The following ZFHX4 variants were observed in gnomAD, a reference collection of about 807,000 sequenced individuals.
The protein encoded by ZFHX4 is zinc finger homeobox 4.
ZFHX4 carries 56 observed loss-of-function variants against 267.6 expected under a neutral mutation model. The observed-to-expected ratio is 0.21, with a 90% confidence interval of 0.17 to 0.26. ZFHX4 has a LOEUF of 0.26. Among genes scored for constraint, ZFHX4 ranks in the 10% least tolerant of loss-of-function variants. ZFHX4 has a pLI of 1.00. For missense variants in ZFHX4, 4,332 were observed against 4,420.0 expected (o/e 0.98, Z 0.56); for synonymous variants, 1,778 against 1,665.6 (o/e 1.07, Z -1.64).
chr8:76,705,553 G>C lies in ZFHX4; in HGVS notation c.1465G>C (p.Gly489Arg). 1 of 1,613,596 alleles carries C rather than the reference G, an allele frequency of 6.2e-7. No individual in the cohort carries two copies. The highest frequency in any genetic ancestry group is 8.5e-7 in the Non-Finnish European group (1 of 1,179,702). The change falls in exon 2 of 11, where the codon GGT becomes CGT. Residue 489 changes from glycine to arginine, a missense_variant. This residue lies in a region of ZFHX4 where 1,195 missense variants were observed against 1,173.6 expected (regional missense o/e 1.02). Coordinates refer to ENST00000651372, the MANE Select transcript of ZFHX4 (RefSeq NM_024721.5). ...SNELDDEEVL[G>R]ELTDSIGNKD... ...TGAACTTGATGACGAGGAAGTATTAGGTGAACTCACCGATAGTATTGGTAA... is the reference window on the plus strand; with the variant it reads ...TGAACTTGATGACGAGGAAGTATTACGTGAACTCACCGATAGTATTGGTAA...
intron 3 of ZFHX4, among the ~76,000 whole-genome samples, chr8:76,716,538 C>T (rs1354001557): frequency 6.6e-6 from 1 of 152,094 alleles, no homozygotes; most frequent in Non-Finnish European, 1.5e-5. Flanking sequence ...TCAGCTTATG[C>T]CCCTAGCCCA....
In ZFHX4 at chr8:76,853,834, A is replaced by G; in HGVS notation, c.6913A>G (p.Ile2305Val). ...EKRELTNERYIRTSNMQYQCK... is the reference protein window; with the variant it reads ...EKRELTNERYVRTSNMQYQCK... ...AAGAGAACTCACTAATGAACGGTACATTCGAACAAGCAACATGCAGTACCA... is the reference window on the plus strand; with the variant it reads ...AAGAGAACTCACTAATGAACGGTACGTTCGAACAAGCAACATGCAGTACCA... The change falls in exon 10 of 11, where the codon ATT becomes GTT. Residue 2305 changes from isoleucine (I) to valine (V), a missense_variant. This residue lies in a region of ZFHX4 where 1,648 missense variants were observed against 1,625.0 expected (regional missense o/e 1.01). Transcript: ENST00000651372. 6.2e-7 allele frequency: 1 copy of G among 1,613,976 alleles called. No individual in the cohort carries two copies. The highest frequency in any genetic ancestry group is 1.1e-5 in the South Asian group (1 of 91,084).
chr8:76,725,592 A>T (rs1471194306), intron 3 of ZFHX4, among the ~76,000 whole-genome samples: 8 of 152,170 alleles, frequency 5.3e-5, no homozygotes, highest in African/African-American at 1.9e-4. Context: ...GACTTGGCTA[A>T]TAATTTGATA....
Position 76,854,794 on chromosome 8 carries a change from T to A in ZFHX4, c.7873T>A (p.Leu2625Met), listed in dbSNP as rs938995756. The A allele has an allele frequency of 1.9e-6, 3 of 1,610,660 alleles. No individual in the cohort carries two copies. The highest frequency in any genetic ancestry group is 2.5e-6 in the Non-Finnish European group (3 of 1,178,796). ...EQLEILYEKY[L>M]LDSNPTRKML... is the part of the protein sequence containing the mutation. ...GCTGGAAATACTCTATGAAAAATACTTGCTGGATTCCAATCCTACCAGAAA... is the reference window on the plus strand; with the variant it reads ...GCTGGAAATACTCTATGAAAAATACATGCTGGATTCCAATCCTACCAGAAA... Residue 2625 changes from leucine (L) to methionine (M), a missense_variant, in exon 10 of 11, where the codon TTG (leucine) becomes ATG (methionine). Leu to Met is a conservative substitution (Grantham distance 15). Around this residue, in one of 7 missense-constraint regions of ZFHX4, gnomAD observed 1,648 missense variants for 1,625.0 expected, o/e 1.01. Coordinates refer to ENST00000651372, the MANE Select transcript of ZFHX4 (RefSeq NM_024721.5).
intron 3 of ZFHX4, among the ~76,000 whole-genome samples, chr8:76,712,020 A>T (rs1017512818): frequency 6.6e-6 from 1 of 152,164 alleles, no homozygotes; most frequent in Non-Finnish European, 1.5e-5. Context: ...TCAAAGCCTT[A>T]ATTATACTAC....
At chr8:76,788,508 T>G (rs188125826) in intron 4 of ZFHX4, among the ~76,000 whole-genome samples, 41 of 152,316 alleles carry the variant, frequency 2.7e-4, no homozygotes, top group Non-Finnish European at 7.4e-5. Flanking sequence ...AAAATATGTC[T>G]CCTGCTTCTA....
Position 76,852,356 on chromosome 8 carries a change from C to A in ZFHX4, c.5435C>A (p.Pro1812His). ...QYQATQPQLQ[P>H]QKQQQQPPPP... The stretch of plus-strand genomic sequence containing the variant: ...CAAGCCACACAGCCCCAGCTGCAGC[C>A]TCAAAAACAACAGCAGCAGCCACCA... The change falls in exon 10 of 11, where the codon CCT becomes CAT. Residue 1812 changes from proline to histidine, a missense_variant. Transcript: ENST00000651372. 1 of 1,553,426 alleles carries A rather than the reference C, an allele frequency of 6.4e-7. No homozygotes were observed. The highest frequency in any genetic ancestry group is 8.7e-7 in the Non-Finnish European group (1 of 1,147,842).
intron 4 of ZFHX4, among the ~76,000 whole-genome samples, chr8:76,810,755 G>A (rs996072813): frequency 1.3e-5 from 2 of 152,136 alleles, no homozygotes; most frequent in African/African-American, 4.8e-5. Context: ...TTTAATAAAA[G>A]AACAATTGTT....
Position 76,865,215 on chromosome 8 carries a change from T to C in ZFHX4, c.*650T>C, listed in dbSNP as rs1812997159. 6.6e-6 allele frequency: 1 copy of C among 152,660 alleles called. No homozygotes were observed. Among genetic ancestry groups the C allele is most frequent in the African/African-American group, 2.4e-5 (1 of 41,462 alleles). The allele number at this position is 152,660 out of a possible 1,614,324, so 9.5% of individuals were successfully genotyped here. A position where few individuals can be genotyped will look rare whatever the true frequency, so the allele number is the denominator to read the frequency against. Reference sequence around the variant, plus strand: ...ACAGTGGAATCATGTGTCTGCCCTGTGTATTGCAGTTTGTATTGCCACAAG... The same window carrying C: ...ACAGTGGAATCATGTGTCTGCCCTGCGTATTGCAGTTTGTATTGCCACAAG... On this transcript the variant is annotated 3_prime_UTR_variant, in exon 11 of 11. Coordinates refer to ENST00000651372, the MANE Select transcript of ZFHX4 (RefSeq NM_024721.5).
rs1175344504 is a variant in ZFHX4 at position 76,705,527 on chromosome 8, A to G, written c.1439A>G (p.Asn480Ser). 1.9e-6 allele frequency: 3 copies of G among 1,613,634 alleles called. No homozygotes were observed. The highest frequency in any genetic ancestry group is 1.3e-5 in the African/African-American group (1 of 75,052). ...GDEDEEDAYS[N>S]ELDDEEVLGE... ...GAGGATGAAGAAGATGCGTACTCCA[A>G]TGAACTTGATGACGAGGAAGTATTA... The change falls in exon 2 of 11, where the codon AAT becomes AGT. Residue 480 changes from asparagine to serine, a missense_variant. Physicochemically the swap from Asn to Ser is conservative, Grantham distance 46. This residue lies in a region of ZFHX4 where 1,195 missense variants were observed against 1,173.6 expected (regional missense o/e 1.02). Coordinates refer to ENST00000651372, the MANE Select transcript of ZFHX4 (RefSeq NM_024721.5).
chr8:76,865,906 GTAT>G lies in ZFHX4; in HGVS notation c.*1345_*1347del, dbSNP rs926066315. On this transcript the variant is annotated 3_prime_UTR_variant, in exon 11 of 11. Coordinates refer to ENST00000651372, the MANE Select transcript of ZFHX4 (RefSeq NM_024721.5). ...TTGTTTTATCATATATGCATTAAAA[GTAT>G]TATCTTTATCAACATTTGCTGCTAC... 6.6e-6 allele frequency: 1 copy of G among 152,408 alleles called. No individual in the cohort carries two copies. Among genetic ancestry groups the G allele is most frequent in the Non-Finnish European group, 1.5e-5 (1 of 67,988 alleles). The allele number at this position is 152,408 out of a possible 1,614,324, so 9.4% of individuals were successfully genotyped here.
At chr8:76,775,692 C>T (rs1000958912) in intron 3 of ZFHX4, among the ~76,000 whole-genome samples, 9 of 152,208 alleles carry the variant, frequency 5.9e-5, no homozygotes, top group Non-Finnish European at 8.8e-5. Flanking sequence ...TTCCTCTGCA[C>T]CAGAGAAGGC....
chr8:76,802,141 C>A (rs1811133076), intron 4 of ZFHX4, among the ~76,000 whole-genome samples: 1 of 152,160 alleles, frequency 6.6e-6, no homozygotes, highest in African/African-American at 2.4e-5. Context: ...CTGTCTGCTG[C>A]CTGCTGCTGT....
chr8:76,704,322 G>T lies in ZFHX4; in HGVS notation c.234G>T (p.Lys78Asn). ...NAAATQVTSA[K>N]EIPCNECATS... is the part of the protein sequence containing the mutation. ...CTGCCACTCAGGTTACCTCAGCAAA[G>T]GAGATACCCTGCAACGAATGTGCCA... is the stretch of plus-strand genomic sequence containing the variant. Residue 78 changes from lysine to asparagine, a missense_variant, in exon 2 of 11, where the codon AAG becomes AAT. Coordinates refer to ENST00000651372, the MANE Select transcript of ZFHX4 (RefSeq NM_024721.5). 1 of 1,614,022 alleles carries T rather than the reference G, an allele frequency of 6.2e-7. No individual in the cohort carries two copies. Among genetic ancestry groups the T allele is most frequent in the Non-Finnish European group, 8.5e-7 (1 of 1,179,900 alleles).
chr8:76,792,185 A>T, intron 4 of ZFHX4, among the ~76,000 whole-genome samples: 1 of 152,206 alleles, frequency 6.6e-6, no homozygotes, highest in East Asian at 1.9e-4. Flanking sequence ...GTAACGTAAC[A>T]GCAACAAAAA....
In ZFHX4 at chr8:76,853,140, G is replaced by T. The variant is rs1399643063; in HGVS notation, c.6219G>T (p.Leu2073=). 1.9e-6 allele frequency: 3 copies of T among 1,543,744 alleles called. No homozygotes were observed. In the Admixed American group the frequency reaches 6.0e-5, roughly 31 times the overall value. Residue 2073 remains leucine, a synonymous_variant, in exon 10 of 11, where the codon CTG becomes CTT. Transcript: ENST00000651372. ...CACAGGTCCAACTGCCGGTTTCTCT[G>T]GACCTGCCGCTCTTTCCTTCCATTA... ...APPQVQLPVS[L]DLPLFPSIMM...
intron 4 of ZFHX4, among the ~76,000 whole-genome samples, chr8:76,808,885 T>C (rs1811306956): frequency 6.6e-6 from 1 of 151,930 alleles, no homozygotes; most frequent in African/African-American, 2.4e-5. Flanking sequence ...AATCTTTCTC[T>C]GTCTCTGTCT....
At chr8:76,837,493 GAA>G (rs11293025) in intron 5 of ZFHX4, among the ~76,000 whole-genome samples, 24 of 121,600 alleles carry the variant, frequency 2.0e-4, no homozygotes, top group South Asian at 5.4e-4. Flanking sequence ...AATGCAAAAA[GAA>G]AAAAAAAAAA....
At chr8:76,759,147 C>T (rs1157738346) in intron 3 of ZFHX4, among the ~76,000 whole-genome samples, 1 of 152,030 alleles carries the variant, frequency 6.6e-6, no homozygotes, top group Non-Finnish European at 1.5e-5. Context: ...CCTTAAAAAT[C>T]ATTATCCTTT....
Sources: allele counts gnomAD v4.1 joint callset (sites outside exome capture counted in the v4.1 genomes callset), GRCh38; gene constraint gnomAD v4.1.1; regional missense constraint gnomAD v4.1.1; transcripts MANE v1.5; gene names NCBI Gene and HGNC (gene_info 2026-07-23, HGNC 2026-07-21).